The following PRICKLE2 variants were observed in gnomAD, a reference collection of about 807,000 sequenced individuals.
PRICKLE2 encodes the protein prickle-like protein 2.
A neutral mutation model predicts 81.4 loss-of-function variants in PRICKLE2; 21 were observed. The ratio of observed to expected loss-of-function variants is 0.26; its 90% confidence interval spans 0.18 to 0.37. The LOEUF is 0.37. Among genes scored for constraint, PRICKLE2 ranks in the 10% least tolerant of loss-of-function variants. The probability of loss-of-function intolerance (pLI) is 1.00; values close to 1 mark genes in which losing one functional copy is unlikely to be tolerated. For synonymous variants in PRICKLE2, 456 were observed against 421.5 expected (o/e 1.08, Z -1.00); for missense variants, 940 against 1,109.0 (o/e 0.85, Z 2.16).
chr3:64,164,166 C>T (rs541105884), intron 2 of PRICKLE2, among the ~76,000 whole-genome samples: 159 of 152,014 alleles, frequency 1.0e-3, no homozygotes, highest in Non-Finnish European at 2.0e-3. Context: ...CACCTGAGGG[C>T]GGCAGTTTGA....
At chr3:64,121,375 C>G (rs1372849060) in intron 7 of PRICKLE2, among the ~76,000 whole-genome samples, 1 of 152,234 alleles carries the variant, frequency 6.6e-6, no homozygotes, top group East Asian at 1.9e-4. Context: ...ACTTTGGAAA[C>G]AGAACCCCTT....
intron 2 of PRICKLE2, among the ~76,000 whole-genome samples, chr3:64,234,940 C>G (rs978066626): frequency 6.6e-6 from 1 of 152,138 alleles, no homozygotes; most frequent in South Asian, 2.1e-4. Flanking sequence ...AAGTCTTCTA[C>G]CATTATTTCT....
chr3:64,121,010 G>T (rs370175798), intron 7 of PRICKLE2, among the ~76,000 whole-genome samples: 1 of 152,152 alleles, frequency 6.6e-6, no homozygotes, highest in Non-Finnish European at 1.5e-5. Context: ...CCTGCTCTTG[G>T]TCTCCAATCT....
At chr3:64,179,846 G>T (rs986923889) in intron 2 of PRICKLE2, among the ~76,000 whole-genome samples, 10 of 152,122 alleles carry the variant, frequency 6.6e-5, no homozygotes, top group Non-Finnish European at 1.5e-4. Flanking sequence ...GCTGAGCCAG[G>T]ATTTAAATTT....
At chr3:64,184,789 G>A (rs1389858900) in intron 2 of PRICKLE2, among the ~76,000 whole-genome samples, 2 of 152,184 alleles carry the variant, frequency 1.3e-5, no homozygotes, top group African/African-American at 2.4e-5. Flanking sequence ...GGCCAGAAGA[G>A]CTGTTTCTCA....
chr3:64,167,962 T>C (rs1185821957), intron 2 of PRICKLE2, among the ~76,000 whole-genome samples: 1 of 152,152 alleles, frequency 6.6e-6, no homozygotes, highest in Non-Finnish European at 1.5e-5. Flanking sequence ...ATTATGCAGT[T>C]GCCAGGCAAA....
intron 2 of PRICKLE2, among the ~76,000 whole-genome samples, chr3:64,241,559 C>T (rs957288534): frequency 6.6e-6 from 1 of 152,200 alleles, no homozygotes; most frequent in Non-Finnish European, 1.5e-5. Context: ...AATCCCCACC[C>T]CCTCATCTCA....
chr3:64,126,872 G>A (rs555489682), intron 7 of PRICKLE2, among the ~76,000 whole-genome samples: 4 of 152,142 alleles, frequency 2.6e-5, no homozygotes, highest in African/African-American at 9.7e-5. Flanking sequence ...CACTGTGCCC[G>A]GCCTTGTGGG....
intron 2 of PRICKLE2, among the ~76,000 whole-genome samples, chr3:64,238,538 G>T (rs1051785625): frequency 6.6e-6 from 1 of 151,806 alleles, no homozygotes; most frequent in African/African-American, 2.4e-5. Flanking sequence ...AAGAAAACTT[G>T]GTAGAATTAG....
chr3:64,146,989 G>A lies in PRICKLE2; in HGVS notation c.1501C>T (p.Pro501Ser). 6.2e-7 allele frequency: 1 copy of A among 1,614,030 alleles called. No individual in the cohort carries two copies. Among genetic ancestry groups the A allele is most frequent in the Non-Finnish European group, 8.5e-7 (1 of 1,180,010 alleles). ...TCTTCCTCTTCCTCCTCATATTTGG[G>A]GACTTGGATGCTGCCTCGGGTCTCA... is the stretch of plus-strand genomic sequence containing the variant. Reference protein sequence around the residue: ...FSETRGSIQVPKYEEEEEEEG... With the variant: ...FSETRGSIQVSKYEEEEEEEG... Residue 501 changes from proline (P) to serine (S), a missense_variant, in exon 7 of 8, where the codon CCC becomes TCC. Pro to Ser is a moderately conservative substitution (Grantham distance 74). Coordinates refer to ENST00000638394, the MANE Select transcript of PRICKLE2 (RefSeq NM_198859.4).
Position 64,099,418 on chromosome 3 carries a change from T to C in PRICKLE2, c.2168A>G (p.Tyr723Cys), listed in dbSNP as rs1482950837. Residue 723 changes from tyrosine to cysteine, a missense_variant, in exon 8 of 8, where the codon TAT becomes TGT. By Grantham distance (194) the Tyr-to-Cys change is radical. Transcript: ENST00000638394. The surrounding 1 kb of genome is among the most constrained non-coding windows in gnomAD (Gnocchi z 4.3). ...DRPPLRARED[Y>C]DQFMRQRSFQ... The stretch of plus-strand genomic sequence containing the variant: ...GCTCCGCTGGCGCATAAATTGGTCA[T>C]AGTCCTCCCTGGCTCTCAGAGGGGG... The C allele has an allele frequency of 1.3e-6, 2 of 1,595,416 alleles. No homozygotes were observed. Among genetic ancestry groups the C allele is most frequent in the Non-Finnish European group, 1.7e-6 (2 of 1,167,956 alleles).
At chr3:64,165,904 GA>G (rs375970393) in intron 2 of PRICKLE2, among the ~76,000 whole-genome samples, 1,769 of 151,690 alleles carry the variant, frequency 0.012, 23 homozygotes, top group Non-Finnish European at 0.019. Context: ...ACGTTGCAAG[GA>G]ATACAATGGT....
chr3:64,161,139 G>A (rs1350912358), intron 3 of PRICKLE2, among the ~76,000 whole-genome samples: 1 of 152,122 alleles, frequency 6.6e-6, no homozygotes, highest in African/African-American at 2.4e-5. Flanking sequence ...TGAGACACCT[G>A]CTAGCACTAA....
At chr3:64,218,674 G>A (rs2078907928) in intron 1 of PRICKLE2, among the ~76,000 whole-genome samples, 1 of 152,206 alleles carries the variant, frequency 6.6e-6, no homozygotes, top group Non-Finnish European at 1.5e-5. Flanking sequence ...TTACTCTGCA[G>A]ATGGAGAAAC....
chr3:64,154,959 A>G (rs1322799653), intron 5 of PRICKLE2: 2 of 152,026 alleles, frequency 1.3e-5, no homozygotes, highest in African/African-American at 4.8e-5. Flanking sequence ...GATGAGCCTC[A>G]CCAATATGGT....
rs144138668 is a variant in PRICKLE2, at chr3:64,098,317, A to C, written c.*734T>G. On this transcript the variant is annotated 3_prime_UTR_variant, in exon 8 of 8. Transcript: ENST00000638394. ...TACCACTTTGTAGAAAATAAATTCT[A>C]CTGAGGGTGGGAGCAGACTTAAGGA... 4 of 152,724 alleles carry C rather than the reference A, an allele frequency of 2.6e-5. No individual in the cohort carries two copies. The East Asian group carries it at 7.7e-4, about 30-fold the overall frequency. The allele number at this position is 152,724 out of a possible 1,614,324, so 9.5% of individuals were successfully genotyped here.
chr3:64,126,886 G>T (rs915912986), intron 7 of PRICKLE2, among the ~76,000 whole-genome samples: 1 of 152,070 alleles, frequency 6.6e-6, no homozygotes, highest in African/African-American at 2.4e-5. Context: ...TTGTGGGCAG[G>T]TTTCTTAACC....
Position 64,092,321 on chromosome 3 carries a change from C to G in PRICKLE2, c.*6730G>C, listed in dbSNP as rs1384074489. 1 of 152,188 alleles carries G rather than the reference C, an allele frequency of 6.6e-6. No individual in the cohort carries two copies. Among genetic ancestry groups the G allele is most frequent in the Non-Finnish European group, 1.5e-5 (1 of 68,038 alleles). 9.4% of individuals were successfully genotyped at this position (152,188 alleles called of 1,614,324 possible). ...CTCTTGTTGTCTGCCACTCCCAAGT[C>G]CTTGTGATTAGCTAGGGTGGGTAAG... On this transcript the variant is annotated 3_prime_UTR_variant, in exon 8 of 8. Coordinates refer to ENST00000638394, the MANE Select transcript of PRICKLE2 (RefSeq NM_198859.4).
At chr3:64,137,645 T>C (rs2077297980) in intron 7 of PRICKLE2, among the ~76,000 whole-genome samples, 1 of 152,162 alleles carries the variant, frequency 6.6e-6, no homozygotes, top group Non-Finnish European at 1.5e-5. Flanking sequence ...CTGAGCTCTC[T>C]TCCAACTGCC....
Sources: allele counts gnomAD v4.1 joint callset (sites outside exome capture counted in the v4.1 genomes callset), GRCh38; gene constraint gnomAD v4.1.1; non-coding constraint Gnocchi (gnomAD v3.1); transcripts MANE v1.5; gene names NCBI Gene and HGNC (gene_info 2026-07-23, HGNC 2026-07-21).